The following AFG2A variants were observed in gnomAD, a reference collection of about 807,000 sequenced individuals.
The protein encoded by AFG2A is ATPase family gene 2 protein homolog A.
At chr4:123,150,705 G>T in the AFG2A span, among the ~76,000 whole-genome samples, 2 of 152,152 alleles carry the variant, frequency 1.3e-5, no homozygotes, top group Non-Finnish European at 2.9e-5. Flanking sequence ...AAAGTAATTT[G>T]TAGATTCAAT....
chr4:123,164,485 T>A, the AFG2A span, among the ~76,000 whole-genome samples: 1 of 152,182 alleles, frequency 6.6e-6, no homozygotes, highest in Non-Finnish European at 1.5e-5. Flanking sequence ...TGCCTCAGCC[T>A]CCTGAGTAGC....
At chr4:123,166,316 G>T in the AFG2A span, among the ~76,000 whole-genome samples, 1 of 152,166 alleles carries the variant, frequency 6.6e-6, no homozygotes, top group Non-Finnish European at 1.5e-5. Context: ...TAGCCTCCCA[G>T]CCTACATCTT....
chr4:123,042,556 G>A, the AFG2A span, among the ~76,000 whole-genome samples: 1 of 152,024 alleles, frequency 6.6e-6, no homozygotes, highest in African/African-American at 2.4e-5. Context: ...GTTTTCATCA[G>A]GCATGTTTCC....
chr4:123,195,600 CTTA>C, the AFG2A span, among the ~76,000 whole-genome samples: 1 of 152,116 alleles, frequency 6.6e-6, no homozygotes, highest in Non-Finnish European at 1.5e-5. Flanking sequence ...AACAACATAT[CTTA>C]TTAAGATAAG....
the AFG2A span, among the ~76,000 whole-genome samples, chr4:123,113,474 C>T: frequency 5.9e-5 from 9 of 152,120 alleles, no homozygotes; most frequent in East Asian, 1.7e-3. Flanking sequence ...TTTCAGTATG[C>T]TGCAGCGTCA....
chr4:123,021,483 C>G, the AFG2A span, among the ~76,000 whole-genome samples: 7 of 152,140 alleles, frequency 4.6e-5, no homozygotes, highest in South Asian at 2.1e-4. Context: ...CCCCACTACT[C>G]CTTCTTTAAT....
At chr4:123,225,133 T>G in the AFG2A span, among the ~76,000 whole-genome samples, 13 of 152,368 alleles carry the variant, frequency 8.5e-5, no homozygotes, top group South Asian at 4.1e-4. Context: ...ATGAGTAGAT[T>G]GCAAAAATTT....
At chr4:123,155,392 T>C in the AFG2A span, among the ~76,000 whole-genome samples, 1 of 152,148 alleles carries the variant, frequency 6.6e-6, no homozygotes, top group Non-Finnish European at 1.5e-5. Context: ...CCCTATTATG[T>C]AATTTTTTTT....
At chr4:123,258,733 C>T in the AFG2A span, among the ~76,000 whole-genome samples, 2 of 151,834 alleles carry the variant, frequency 1.3e-5, no homozygotes, top group Admixed American at 1.3e-4. Context: ...GCAGGAAAGC[C>T]AGAGACGAGG....
the AFG2A span, among the ~76,000 whole-genome samples, chr4:123,046,546 CAT>C: frequency 3.3e-5 from 5 of 152,204 alleles, no homozygotes; most frequent in African/African-American, 1.2e-4. Flanking sequence ...TTTGCAGGCA[CAT>C]GTGATATTTT....
chr4:123,162,021 T>TG, the AFG2A span, among the ~76,000 whole-genome samples: 3 of 103,006 alleles, frequency 2.9e-5, no homozygotes, highest in Non-Finnish European at 5.4e-5. Context: ...GTTAATCAGC[T>TG]GGGGAAAAAA....
At chr4:123,229,346 C>T in the AFG2A span, among the ~76,000 whole-genome samples, 1 of 151,880 alleles carries the variant, frequency 6.6e-6, no homozygotes, top group African/African-American at 2.4e-5. Context: ...AAGGGCTGCA[C>T]ATTTGATAAG....
At chr4:123,089,184 A>G in the AFG2A span, among the ~76,000 whole-genome samples, 2 of 152,206 alleles carry the variant, frequency 1.3e-5, no homozygotes, top group African/African-American at 2.4e-5. Context: ...ACTAAGTCAA[A>G]TTTTTGAACT....
At chr4:123,187,300 T>A in the AFG2A span, among the ~76,000 whole-genome samples, 1 of 152,192 alleles carries the variant, frequency 6.6e-6, no homozygotes, top group African/African-American at 2.4e-5. Flanking sequence ...GGAACTTTTT[T>A]GAAGTTGTTT....
the AFG2A span, among the ~76,000 whole-genome samples, chr4:123,257,033 G>T: frequency 6.6e-6 from 1 of 152,084 alleles, no homozygotes; most frequent in Non-Finnish European, 1.5e-5. Context: ...GAATTACTCA[G>T]TAGGCTAGGA....
At chr4:123,052,155 TCTGA>T in the AFG2A span, among the ~76,000 whole-genome samples, 1 of 152,084 alleles carries the variant, frequency 6.6e-6, no homozygotes, top group Non-Finnish European at 1.5e-5. Flanking sequence ...TTTTTTCTCC[TCTGA>T]CTGTGTATTT....
the AFG2A span, among the ~76,000 whole-genome samples, chr4:123,070,564 A>G: frequency 2.9e-4 from 44 of 152,322 alleles, no homozygotes; most frequent in Admixed American, 2.4e-3. Context: ...TGAAAGGGGC[A>G]AAGGAGCAGT....
At chr4:123,301,732 TC>T in the AFG2A span, among the ~76,000 whole-genome samples, 1 of 152,172 alleles carries the variant, frequency 6.6e-6, no homozygotes, top group Non-Finnish European at 1.5e-5. Flanking sequence ...AGTCATTTTT[TC>T]CCCCTGTTTA....
chr4:123,120,396 G>A, the AFG2A span, among the ~76,000 whole-genome samples: 1 of 152,098 alleles, frequency 6.6e-6, no homozygotes, highest in Non-Finnish European at 1.5e-5. Flanking sequence ...CAGTGCACTT[G>A]TGACATCATT....
Sources: gnomAD v4.1 joint callset for allele counts (sites outside exome capture counted in the v4.1 genomes callset) on GRCh38, gnomAD v4.1.1 for gene constraint, MANE v1.5 for transcripts, NCBI Gene and HGNC (gene_info 2026-07-23, HGNC 2026-07-21) for gene names.